The following MOB1B variants were observed in gnomAD, a reference collection of about 807,000 sequenced individuals.
The protein encoded by MOB1B is MOB kinase activator 1B, also known as MOB1 Mps One Binder homolog B.
A neutral mutation model predicts 24.4 loss-of-function variants in MOB1B; 19 were observed. The ratio of observed to expected loss-of-function variants is 0.78; its 90% CI spans 0.54 to 1.14. The LOEUF is 1.14. Ranked by LOEUF, MOB1B falls within the 50% of genes most tolerant of loss-of-function variation. MOB1B has a pLI of 0.00. For synonymous variants in MOB1B, 76 were observed against 82.1 expected (o/e 0.93, Z 0.40); for missense variants, 243 against 259.6 (o/e 0.94, Z 0.44).
intron 1 of MOB1B, among the ~76,000 whole-genome samples, chr4:70,949,157 C>T (rs1008619217): frequency 6.6e-6 from 1 of 152,176 alleles, no homozygotes; most frequent in Non-Finnish European, 1.5e-5. Flanking sequence ...ACTTTTTAAT[C>T]TTATAAGAAT....
chr4:70,976,503 A>G lies in MOB1B; in HGVS notation c.409+1217A>G, dbSNP rs533363860. ...TTTACTTTTAAGGGCAGACTTATCA[A>G]GTAGAAATTGTTTACGTTTAGATAG... On this transcript the variant is annotated intron_variant, in intron 4 of 5. Coordinates refer to ENST00000309395, the MANE Select transcript of MOB1B (RefSeq NM_173468.4). 36 of 985,194 alleles carry G rather than the reference A, an allele frequency of 3.7e-5. 1 individual carries two copies. The highest frequency in any genetic ancestry group is 4.2e-5 in the Non-Finnish European group (35 of 829,888). 61.0% of individuals were successfully genotyped at this position (985,194 alleles called of 1,614,324 possible). A position where few individuals can be genotyped will look rare whatever the true frequency, so the allele number is the denominator to read the frequency against.
rs936454805 is a variant in MOB1B, at chr4:70,932,798, TG to T, written c.15-26075del. Reference sequence around the variant, plus strand: ...AATGTAGCAGTGTTTCTAATGTGGATGTTTTTGAAACAATTTTGGTAATAGC... The same window carrying T: ...AATGTAGCAGTGTTTCTAATGTGGATTTTTTGAAACAATTTTGGTAATAGC... On this transcript the variant is annotated intron_variant, in intron 1 of 5. Transcript: ENST00000309395. Among the ~76,000 whole-genome samples, 7 of 152,334 alleles carry T rather than the reference TG, an allele frequency of 4.6e-5. No homozygotes were observed. The East Asian group carries it at 1.3e-3, about 29-fold the overall frequency.
At position 70,902,394 on chromosome 4, in the gene MOB1B, T is replaced by C. The variant is rs1428806365; in HGVS notation, c.-143T>C. On this transcript the variant is annotated 5_prime_UTR_variant, in exon 1 of 6. Coordinates refer to ENST00000309395, the MANE Select transcript of MOB1B (RefSeq NM_173468.4). Reference sequence around the variant, plus strand: ...ATTGGAACTAGCTGAGCCGAACTAGTTGCGGCCACCGAGCAGCCGGCTCTC... The same window carrying C: ...ATTGGAACTAGCTGAGCCGAACTAGCTGCGGCCACCGAGCAGCCGGCTCTC... 3 of 825,818 alleles carry C rather than the reference T, an allele frequency of 3.6e-6. No individual in the cohort carries two copies. The highest frequency in any genetic ancestry group is 6.1e-6 in the Non-Finnish European group (3 of 492,242). 51.2% of individuals were successfully genotyped at this position (825,818 alleles called of 1,614,324 possible).
At chr4:70,945,365 G>A (rs905109482) in intron 1 of MOB1B, among the ~76,000 whole-genome samples, 5 of 152,090 alleles carry the variant, frequency 3.3e-5, no homozygotes, top group Non-Finnish European at 7.4e-5. Context: ...CCTTTCCAAG[G>A]CCCTGAATTT....
chr4:70,938,710 TCCTAAATC>T (rs55977085), intron 1 of MOB1B, among the ~76,000 whole-genome samples: 150,922 of 150,936 alleles, frequency 1, 75,454 homozygotes, highest in Non-Finnish European at 1. Context: ...CGTCACTAAT[TCCTAAATC>T]CCTAAATCTT....
chr4:70,975,703 A>C (rs1216258772), intron 4 of MOB1B: 1 of 971,736 alleles, frequency 1.0e-6, no homozygotes, highest in Non-Finnish European at 1.2e-6. Flanking sequence ...TCCCTGAAGT[A>C]AGGGAAAGGC....
At chr4:70,961,182 C>G (rs1210636591) in intron 2 of MOB1B, among the ~76,000 whole-genome samples, 3 of 152,078 alleles carry the variant, frequency 2.0e-5, no homozygotes, top group Admixed American at 6.5e-5. Flanking sequence ...TAAAATAGAA[C>G]AATTACAGTT....
intron 4 of MOB1B, chr4:70,976,753 C>CATATATATATATATATATATATATATAT (rs376072053): frequency 2.8e-5 from 5 of 181,604 alleles, no homozygotes; most frequent in African/African-American, 1.2e-4. Context: ...GACTGAATTA[C>CATATATATATATATATATATATATATAT]ATATATATAT....
At chr4:70,931,368 T>C (rs926094380) in intron 1 of MOB1B, among the ~76,000 whole-genome samples, 4 of 152,222 alleles carry the variant, frequency 2.6e-5, no homozygotes, top group Non-Finnish European at 5.9e-5. Context: ...GTGGTGGTAG[T>C]TACAAAACTT....
At chr4:70,919,683 G>T (rs2148872406) in intron 1 of MOB1B, among the ~76,000 whole-genome samples, 1 of 152,286 alleles carries the variant, frequency 6.6e-6, no homozygotes, top group South Asian at 2.1e-4. Flanking sequence ...AGTTTTAGTA[G>T]AGACAGGGTT....
chr4:70,938,393 A>G (rs1737180232), intron 1 of MOB1B, among the ~76,000 whole-genome samples: 2 of 129,266 alleles, frequency 1.5e-5, no homozygotes, highest in Admixed American at 1.0e-4. Context: ...TCTGGTTGCA[A>G]GGTTTCTGGT....
At chr4:70,950,687 T>A in intron 1 of MOB1B, 5 of 1,374,696 alleles carry the variant, frequency 3.6e-6, no homozygotes, top group Middle Eastern at 1.8e-4. Context: ...TCATCATTAT[T>A]ATCCTGATGT....
At chr4:70,909,803 T>G (rs989886454) in intron 1 of MOB1B, among the ~76,000 whole-genome samples, 2 of 152,062 alleles carry the variant, frequency 1.3e-5, no homozygotes, top group Non-Finnish European at 2.9e-5. Context: ...CTTGGTTCAC[T>G]GCAACTTCCA....
chr4:70,930,465 A>G (rs954926968), intron 1 of MOB1B, among the ~76,000 whole-genome samples: 1 of 152,214 alleles, frequency 6.6e-6, no homozygotes, highest in Non-Finnish European at 1.5e-5. Context: ...CTCTTTCCCC[A>G]AAGTATGAGT....
At chr4:70,905,753 C>G (rs1735712108) in intron 1 of MOB1B, among the ~76,000 whole-genome samples, 1 of 152,042 alleles carries the variant, frequency 6.6e-6, no homozygotes, top group African/African-American at 2.4e-5. Flanking sequence ...AAGGAAAGAA[C>G]TACTACTGAT....
chr4:70,912,723 A>G (rs966391967), intron 1 of MOB1B, among the ~76,000 whole-genome samples: 1 of 152,214 alleles, frequency 6.6e-6, no homozygotes, highest in Non-Finnish European at 1.5e-5. Context: ...GGATCCAGTC[A>G]TGAATCATGT....
At position 70,986,410 on chromosome 4, in the gene MOB1B, G is replaced by T. The variant is rs1739384303; in HGVS notation, c.*4353G>T. 1 of 151,908 alleles carries T rather than the reference G, an allele frequency of 6.6e-6. No homozygotes were observed. The highest frequency in any genetic ancestry group is 1.5e-5 in the Non-Finnish European group (1 of 67,948). The allele number at this position is 151,908 out of a possible 1,614,324, so 9.4% of individuals were successfully genotyped here. ...TACATATCACAAAATATTTAGAATT[G>T]TATAACCTTTTCATATATTTATAAC... On this transcript the variant is annotated 3_prime_UTR_variant, in exon 6 of 6. Coordinates refer to ENST00000309395, the MANE Select transcript of MOB1B (RefSeq NM_173468.4).
At chr4:70,917,906 A>T (rs1218359340) in intron 1 of MOB1B, among the ~76,000 whole-genome samples, 1 of 151,716 alleles carries the variant, frequency 6.6e-6, no homozygotes, top group Non-Finnish European at 1.5e-5. Flanking sequence ...AAATTGGACA[A>T]AGTATTTTCT....
intron 1 of MOB1B, among the ~76,000 whole-genome samples, chr4:70,903,129 CG>C (rs1735586031): frequency 1.3e-5 from 2 of 152,142 alleles, no homozygotes; most frequent in African/African-American, 4.8e-5. Flanking sequence ...TGGACACAGA[CG>C]GGGGTCCCTG....
Sources: allele counts gnomAD v4.1 joint callset (sites outside exome capture counted in the v4.1 genomes callset), GRCh38; gene constraint gnomAD v4.1.1; transcripts MANE v1.5; gene names NCBI Gene and HGNC (gene_info 2026-07-23, HGNC 2026-07-21).